Variants in GUCY2F observed in about 807,000 individuals in gnomAD.
GUCY2F encodes the protein retinal guanylyl cyclase 2.
GUCY2F carries 61 observed loss-of-function variants against 73.1 expected under a neutral mutation model. The observed-to-expected ratio is 0.83, with a 90% confidence interval of 0.68 to 1.03. The LOEUF (loss-of-function observed/expected upper bound fraction) is 1.03. Ranked by LOEUF, GUCY2F falls within the 50% of genes least tolerant of loss-of-function variation. The pLI, the probability that GUCY2F is intolerant of heterozygous loss-of-function variation, is 0.00. For missense variants in GUCY2F, 912 were observed against 854.3 expected, an observed-to-expected ratio of 1.07 and a Z score of -0.84; for synonymous variants, 331 against 307.8, an observed-to-expected ratio of 1.08 and a Z score of -0.79.
intron 11 of GUCY2F, among the ~76,000 whole-genome samples, chrX:109,395,848 A>T (rs1930696104): frequency 9.0e-6 from 1 of 111,219 alleles, no homozygotes; most frequent in African/African-American, 3.3e-5. Flanking sequence ...AATCCCCACA[A>T]TAGACCCACT....
At chrX:109,454,577 A>C (rs144837145) in intron 3 of GUCY2F, among the ~76,000 whole-genome samples, 1 of 112,304 alleles carries the variant, frequency 8.9e-6, no homozygotes, top group African/African-American at 3.2e-5. Flanking sequence ...ACTTTAAAAC[A>C]GTAAGACTGC....
At chrX:109,458,650 T>C (rs778541879) in intron 3 of GUCY2F, among the ~76,000 whole-genome samples, 79 of 110,871 alleles carry the variant, frequency 7.1e-4, no homozygotes, top group Non-Finnish European at 1.2e-3. Flanking sequence ...TTCTCCTTCA[T>C]TGGGGGAAAG....
At chrX:109,460,717 T>A (rs1403568689) in intron 3 of GUCY2F, among the ~76,000 whole-genome samples, 1 of 111,619 alleles carries the variant, frequency 9.0e-6, no homozygotes, top group Non-Finnish European at 1.9e-5. Flanking sequence ...TTAAGAATTA[T>A]GAAAATAGAA....
rs771077810 is a variant in GUCY2F at position 109,385,204 on chromosome X, C to T, written c.3035G>A (p.Arg1012Gln). 11 of 1,172,324 alleles carry T rather than the reference C, an allele frequency of 9.4e-6. No individual in the cohort carries two copies. The highest frequency in any genetic ancestry group is 5.3e-5 in the African/African-American group (3 of 56,124). ...CTCACGTAAGCCTGTAGATTCCATC[C>T]GAGAAGCTGTGTTCACAGTGTCTCC... ...LFGDTVNTASRMESTGLPYRI... is the reference protein window; with the variant it reads ...LFGDTVNTASQMESTGLPYRI... The change falls in exon 16 of 20, where the codon CGG becomes CAG. Residue 1012 changes from arginine to glutamine, a missense_variant. Transcript: ENST00000218006.
intron 10 of GUCY2F, among the ~76,000 whole-genome samples, chrX:109,402,293 T>C (rs970471236): frequency 1.8e-5 from 2 of 110,831 alleles, no homozygotes; most frequent in Non-Finnish European, 3.8e-5. Flanking sequence ...AGCTATCCTT[T>C]ACCCACCCTA....
chrX:109,395,432 T>C lies in GUCY2F; in HGVS notation c.2333A>G (p.Glu778Gly), dbSNP rs771390719. Residue 778 changes from glutamate to glycine, a missense_variant, in exon 12 of 20, where the codon GAG (glutamate) becomes GGG (glycine). By Grantham distance (98) the Glu-to-Gly change is moderately conservative (BLOSUM62 -2). Coordinates refer to ENST00000218006, the MANE Select transcript of GUCY2F (RefSeq NM_001522.3). The stretch of plus-strand genomic sequence containing the variant: ...CTGGAGACATTCTGGAGGGGCATGC[T>C]CAGGAGGAACTACTGGTCTGTACAC... ...PPVYRPVVPP[E>G]HAPPECLQLM... 6.8e-5 allele frequency: 81 copies of C among 1,197,745 alleles called. 1 individual carries two copies. The Admixed American group carries it at 1.8e-3, about 26-fold the overall frequency.
rs751146583 is a variant in GUCY2F, at chrX:109,423,006, T to C, written c.1791+7301A>G. Among the ~76,000 whole-genome samples the C allele has an allele frequency of 2.7e-5, 3 of 112,528 alleles. No homozygotes were observed. The East Asian group carries it at 8.3e-4, about 31-fold the overall frequency. On this transcript the variant is annotated intron_variant, in intron 8 of 19. Coordinates refer to ENST00000218006, the MANE Select transcript of GUCY2F (RefSeq NM_001522.3). Reference sequence around the variant, plus strand: ...CTGTTGTCTGTTTCCACTTATATGATGTTTTAGAAGGAGCAAAATTAATGC... The same window carrying C: ...CTGTTGTCTGTTTCCACTTATATGACGTTTTAGAAGGAGCAAAATTAATGC...
rs1485890192 is a variant in GUCY2F at position 109,372,951 on chromosome X, T to G, written c.*50A>C. On this transcript the variant is annotated 3_prime_UTR_variant, in exon 20 of 20. Coordinates refer to ENST00000218006, the MANE Select transcript of GUCY2F (RefSeq NM_001522.3). Reference sequence around the variant, plus strand: ...ACAATTTCTTGAACTGAAGTGAGCTTTCCCATTGCCTCACCAAGAGAAGAT... The same window carrying G: ...ACAATTTCTTGAACTGAAGTGAGCTGTCCCATTGCCTCACCAAGAGAAGAT... 1 of 113,163 alleles carries G rather than the reference T, an allele frequency of 8.8e-6. No homozygotes were observed. Among genetic ancestry groups the G allele is most frequent in the African/African-American group, 3.2e-5 (1 of 31,047 alleles). The allele number at this position is 113,163 out of a possible 1,213,427, so 9.3% of individuals were successfully genotyped here. A position where few individuals can be genotyped will look rare whatever the true frequency, so the allele number is the denominator to read the frequency against.
chrX:109,382,528 A>T (rs986462031), intron 16 of GUCY2F, among the ~76,000 whole-genome samples: 2 of 112,437 alleles, frequency 1.8e-5, no homozygotes, highest in African/African-American at 6.5e-5. Context: ...TCTCAGCTGA[A>T]ACGTGACGTC....
chrX:109,405,746 T>C (rs1433705148), intron 9 of GUCY2F, among the ~76,000 whole-genome samples: 3 of 111,568 alleles, frequency 2.7e-5, no homozygotes, highest in African/African-American at 9.8e-5. Context: ...GATTGTCATA[T>C]AGAGGCTCCT....
chrX:109,410,811 GT>G (rs902331627), intron 8 of GUCY2F, among the ~76,000 whole-genome samples: 1 of 111,680 alleles, frequency 9.0e-6, no homozygotes, highest in African/African-American at 3.3e-5. Context: ...ACAATTAAGA[GT>G]TGATCAGGTG....
In GUCY2F at chrX:109,382,201, G is replaced by A; in HGVS notation, c.3067C>T (p.His1023Tyr). 1 of 1,157,077 alleles carries A rather than the reference G, an allele frequency of 8.6e-7. No homozygotes were observed. Among genetic ancestry groups the A allele is most frequent in the Non-Finnish European group, 1.2e-6 (1 of 846,699 alleles). The stretch of plus-strand genomic sequence containing the variant: ...ATTGTAACAGTGCTGAGACTGACAT[G>A]AATGCGATAAGCTGCAAAAGAAGGA... ...MESTGLPYRI[H>Y]VSLSTVTILQ... Residue 1023 changes from histidine (H) to tyrosine (Y), a missense_variant, in exon 17 of 20, where the codon CAT becomes TAT. His to Tyr is a moderately conservative substitution (Grantham distance 83). Coordinates refer to ENST00000218006, the MANE Select transcript of GUCY2F (RefSeq NM_001522.3).
At chrX:109,405,829 T>C (rs1348508375) in intron 9 of GUCY2F, among the ~76,000 whole-genome samples, 2 of 111,753 alleles carry the variant, frequency 1.8e-5, no homozygotes, top group East Asian at 5.6e-4. Context: ...AGATTTGGAT[T>C]TTATTATCAG....
intron 10 of GUCY2F, among the ~76,000 whole-genome samples, chrX:109,402,694 G>A (rs1342950523): frequency 2.7e-5 from 3 of 111,622 alleles, no homozygotes; most frequent in Non-Finnish European, 5.6e-5. Flanking sequence ...CTCTCTACAG[G>A]ATAGGGGCTA....
intron 12 of GUCY2F, 25 bp from the exon 13 acceptor site, chrX:109,393,080 CCA>C: frequency 1.2e-6 from 1 of 868,532 alleles, no homozygotes; most frequent in Non-Finnish European, 1.7e-6. Context: ...GAAAAGGGAA[CCA>C]GAAAATGCTT....
At chrX:109,377,271 A>G (rs1930202034) in intron 17 of GUCY2F, among the ~76,000 whole-genome samples, 1 of 111,820 alleles carries the variant, frequency 8.9e-6, no homozygotes, top group African/African-American at 3.3e-5. Flanking sequence ...AACCTCCATT[A>G]ACTGGCATCA....
intron 2 of GUCY2F, among the ~76,000 whole-genome samples, chrX:109,465,947 A>T (rs1358784017): frequency 8.9e-6 from 1 of 111,931 alleles, no homozygotes; most frequent in African/African-American, 3.2e-5. Flanking sequence ...TAGAAGAGAG[A>T]ATAGTAAGAG....
At chrX:109,411,822 A>C (rs1931118232) in intron 8 of GUCY2F, among the ~76,000 whole-genome samples, 1 of 112,445 alleles carries the variant, frequency 8.9e-6, no homozygotes, top group Non-Finnish European at 1.9e-5. Flanking sequence ...GAGATTACCC[A>C]AGGAAAGTAT....
chrX:109,460,503 C>T (rs1332857982), intron 3 of GUCY2F, among the ~76,000 whole-genome samples: 1 of 111,601 alleles, frequency 9.0e-6, no homozygotes, highest in Non-Finnish European at 1.9e-5. Flanking sequence ...ATGATTTCTA[C>T]CCTAGATTTG....
Sources: allele counts gnomAD v4.1 joint callset (sites outside exome capture counted in the v4.1 genomes callset), GRCh38; gene constraint gnomAD v4.1.1; transcripts MANE v1.5; gene names NCBI Gene and HGNC (gene_info 2026-07-23, HGNC 2026-07-21).